Variants in HOXD3 observed in about 807,000 individuals in gnomAD.
HOXD3 encodes the protein homeobox protein Hox-D3.
Under a neutral mutation model 32.8 loss-of-function variants are expected in HOXD3, and 13 were observed. That is an observed-to-expected ratio of 0.40 (90% CI 0.26 to 0.63). HOXD3 has a LOEUF of 0.63. Ranked by LOEUF, HOXD3 falls within the 20% of genes least tolerant of loss-of-function variation. The pLI, the probability that HOXD3 is intolerant of heterozygous loss-of-function variation, is 0.44. For missense variants in HOXD3, 504 were observed against 577.1 expected, an observed-to-expected ratio of 0.87 and a Z score of 1.30; for synonymous variants, 241 against 246.8, an observed-to-expected ratio of 0.98 and a Z score of 0.22.
intron 2 of HOXD3, chr2:176,165,681 G>C (rs1179173091): frequency 6.6e-6 from 1 of 152,412 alleles, no homozygotes; most frequent in Non-Finnish European, 1.5e-5. Context: ...GGAGGGAGAG[G>C]AAAGGGCAGC....
At chr2:176,158,253 G>A (rs1429969982) in intron 1 of HOXD3, among the ~76,000 whole-genome samples, 2 of 152,226 alleles carry the variant, frequency 1.3e-5, no homozygotes, top group African/African-American at 4.8e-5. Flanking sequence ...GGGAAGCCTG[G>A]GGAAAGGAGG....
chr2:176,161,379 G>A (rs1321343989), intron 1 of HOXD3, among the ~76,000 whole-genome samples: 3 of 152,182 alleles, frequency 2.0e-5, no homozygotes, highest in African/African-American at 7.2e-5. Flanking sequence ...TTAAGGAGGG[G>A]ATCTGGTGAG....
intron 1 of HOXD3, among the ~76,000 whole-genome samples, chr2:176,161,418 G>T (rs1690799680): frequency 6.6e-6 from 1 of 152,066 alleles, no homozygotes; most frequent in South Asian, 2.1e-4. Context: ...AAATATTTGG[G>T]GGCTAAATGT....
chr2:176,172,371 C>T lies in HOXD3; in HGVS notation c.*97C>T, dbSNP rs922159691. 4.0e-6 allele frequency: 5 copies of T among 1,245,596 alleles called. No homozygotes were observed. The highest frequency in any genetic ancestry group is 3.0e-5 in the African/African-American group (2 of 66,048). 77.2% of individuals were successfully genotyped at this position (1,245,596 alleles called of 1,614,324 possible). A position where few individuals can be genotyped will look rare whatever the true frequency, so the allele number is the denominator to read the frequency against. ...CGCGGGGCAGTTCGGGAACCCCCTT[C>T]CCCGCTCTTGCCCTGCCGCCGCCTC... On this transcript the variant is annotated 3_prime_UTR_variant, in exon 4 of 4. Coordinates refer to ENST00000683222, the MANE Select transcript of HOXD3 (RefSeq NM_006898.5).
chr2:176,157,542 C>A (rs917635755), intron 1 of HOXD3, among the ~76,000 whole-genome samples, 90 bp downstream of exon 1: 1 of 152,088 alleles, frequency 6.6e-6, no homozygotes, highest in East Asian at 2.0e-4. Context: ...CCCTTTGCTT[C>A]CTGATTTGGA....
At chr2:176,155,898 T>A (rs969517945), upstream of HOXD3, among the ~76,000 whole-genome samples, 2 of 152,184 alleles carry the variant, frequency 1.3e-5, no homozygotes, top group Non-Finnish European at 2.9e-5. Flanking sequence ...CGCAGCCTTT[T>A]GTTGGGAGAT....
chr2:176,163,092 A>T (rs1690857889), intron 1 of HOXD3, among the ~76,000 whole-genome samples: 1 of 152,020 alleles, frequency 6.6e-6, no homozygotes, highest in Non-Finnish European at 1.5e-5. Context: ...CGCAGCGCGA[A>T]GTTAGGAGCC....
chr2:176,160,585 C>G (rs963849413), intron 1 of HOXD3, among the ~76,000 whole-genome samples: 11 of 152,242 alleles, frequency 7.2e-5, no homozygotes, highest in Non-Finnish European at 1.3e-4. Flanking sequence ...TCAATCAGTA[C>G]AAGCTTCCCT....
chr2:176,165,936 G>A (rs1329775305), intron 2 of HOXD3, among the ~76,000 whole-genome samples: 1 of 152,172 alleles, frequency 6.6e-6, no homozygotes, highest in African/African-American at 2.4e-5. Flanking sequence ...TTCACAAGGA[G>A]TAGGGATTTC....
chr2:176,164,472 T>G (rs1690899910), intron 2 of HOXD3: 1 of 152,166 alleles, frequency 6.6e-6, no homozygotes, highest in Admixed American at 6.5e-5. Context: ...GGCTCAAGCT[T>G]AGAGATCGGG....
rs1354767307 is a variant in HOXD3 at position 176,172,080 on chromosome 2, G to A, written c.1105G>A (p.Ala369Thr). 6.2e-7 allele frequency: 1 copy of A among 1,611,164 alleles called. No homozygotes were observed. The highest frequency in any genetic ancestry group is 1.1e-5 in the South Asian group (1 of 91,026). Residue 369 changes from alanine (A) to threonine (T), a missense_variant, in exon 4 of 4, where the codon GCG (alanine) becomes ACG (threonine). Ala to Thr is a moderately conservative substitution (Grantham distance 58). Around this residue, in one of 3 missense-constraint regions of HOXD3, gnomAD observed 226 missense variants for 246.9 expected, o/e 0.92. Transcript: ENST00000683222. ...CAACTTCGTCGAGTCCATGGCGCCC[G>A]CGTCCGGGCCTGTCTTCAACCTGGG... is the stretch of plus-strand genomic sequence containing the variant. ...GGNFVESMAP[A>T]SGPVFNLGHL...
chr2:176,159,204 G>C (rs1290526821), intron 1 of HOXD3, among the ~76,000 whole-genome samples: 1 of 151,888 alleles, frequency 6.6e-6, no homozygotes, highest in Non-Finnish European at 1.5e-5. Context: ...GTCGGCCTCT[G>C]GCAAGAGGCT....
chr2:176,153,069 C>A (rs1690577246), upstream of HOXD3: 6 of 832,000 alleles, frequency 7.2e-6, no homozygotes, highest in Non-Finnish European at 1.2e-5. Context: ...ACAAGCAGGC[C>A]GCCCTCGGAC....
At chr2:176,162,034 A>G (rs927218909) in intron 1 of HOXD3, among the ~76,000 whole-genome samples, 2 of 152,174 alleles carry the variant, frequency 1.3e-5, no homozygotes, top group Admixed American at 1.3e-4. Flanking sequence ...CCGGACCTTT[A>G]TGGGGAAAGA....
At chr2:176,169,927 G>T (rs1203952770) in intron 3 of HOXD3, among the ~76,000 whole-genome samples, 1 of 151,868 alleles carries the variant, frequency 6.6e-6, no homozygotes, top group Non-Finnish European at 1.5e-5. Flanking sequence ...TGTTTTCCTG[G>T]GCTGCTAATT....
At position 176,172,191 on chromosome 2, in the gene HOXD3, C is replaced by A. The variant is rs1274011455; in HGVS notation, c.1216C>A (p.Pro406Thr). Residue 406 changes from proline to threonine, a missense_variant, in exon 4 of 4, where the codon CCT becomes ACT. Physicochemically the swap from Pro to Thr is conservative, Grantham distance 38. Around this residue, in one of 3 missense-constraint regions of HOXD3, gnomAD observed 226 missense variants for 246.9 expected, o/e 0.92. Coordinates refer to ENST00000683222, the MANE Select transcript of HOXD3 (RefSeq NM_006898.5). ...PGNHHHGPCD[P>T]HPTYTDLSAH... ...CAACCACCACCATGGACCTTGCGAC[C>A]CTCATCCCACCTACACAGATCTCTC... The A allele has an allele frequency of 6.2e-7, 1 of 1,612,660 alleles. No homozygotes were observed. The highest frequency in any genetic ancestry group is 2.2e-5 in the East Asian group (1 of 44,868).
At chr2:176,158,473 A>C (rs2105430581) in intron 1 of HOXD3, among the ~76,000 whole-genome samples, 1 of 152,152 alleles carries the variant, frequency 6.6e-6, no homozygotes, top group East Asian at 1.9e-4. Context: ...GCGCCTCTTC[A>C]TTCGCCTCCT....
In HOXD3 at chr2:176,172,444, C is replaced by G; in HGVS notation, c.*170C>G. 3 of 609,072 alleles carry G rather than the reference C, an allele frequency of 4.9e-6. No individual in the cohort carries two copies. The highest frequency in any genetic ancestry group is 3.2e-5 in the Admixed American group (1 of 31,176). The allele number at this position is 609,072 out of a possible 1,614,324, so 37.7% of individuals were successfully genotyped here. On this transcript the variant is annotated 3_prime_UTR_variant, in exon 4 of 4. Transcript: ENST00000683222. ...CGGAGGCGCAGGCGACCGGGCCTCCCCTCCATGGGCGTCCTTTGGGTGACT... is the reference window on the plus strand; with the variant it reads ...CGGAGGCGCAGGCGACCGGGCCTCCGCTCCATGGGCGTCCTTTGGGTGACT...
In HOXD3 at chr2:176,169,422, G is replaced by T; in HGVS notation, c.308G>T (p.Gly103Val). Reference protein sequence around the residue: ...PGTGNSQGGGGGSQPPGLNSE... With the variant: ...PGTGNSQGGGVGSQPPGLNSE... ...ACTGGGAACAGCCAGGGTGGGGGTG[G>T]TGGCAGCCAGCCTCCTGGTCTGAAC... Residue 103 changes from glycine (G) to valine (V), a missense_variant, in exon 3 of 4, where the codon GGT (glycine) becomes GTT (valine). Around this residue, in one of 3 missense-constraint regions of HOXD3, gnomAD observed 181 missense variants for 172.2 expected, o/e 1.05. Transcript: ENST00000683222. 6.2e-7 allele frequency: 1 copy of T among 1,613,624 alleles called. No homozygotes were observed. Among genetic ancestry groups the T allele is most frequent in the Non-Finnish European group, 8.5e-7 (1 of 1,179,828 alleles).
Sources: gnomAD v4.1 joint callset for allele counts (sites outside exome capture counted in the v4.1 genomes callset) on GRCh38, gnomAD v4.1.1 for gene constraint, gnomAD v4.1.1 regional missense constraint, MANE v1.5 for transcripts, NCBI Gene and HGNC (gene_info 2026-07-23, HGNC 2026-07-21) for gene names.